Variants in SUGCT observed in about 807,000 individuals in gnomAD.
SUGCT encodes succinyl-CoA:glutarate-CoA transferase, also known as succinyl-CoA:glutarate CoA-transferase.
A neutral mutation model predicts 55.0 loss-of-function variants in SUGCT; 41 were observed. The ratio of observed to expected loss-of-function variants is 0.74; its 90% CI spans 0.58 to 0.97. SUGCT has a LOEUF of 0.97. Ranked by LOEUF, SUGCT falls within the 50% of genes least tolerant of loss-of-function variation. The pLI, the probability that SUGCT is intolerant of heterozygous loss-of-function variation, is 0.00. For synonymous variants in SUGCT, 187 were observed against 200.4 expected (o/e 0.93, Z 0.56); for missense variants, 568 against 547.8 (o/e 1.04, Z -0.37).
Position 40,176,590 on chromosome 7 carries a change from CT to C in SUGCT, c.101-4349del, listed in dbSNP as rs913759973. 4.4e-3 allele frequency among the ~76,000 whole-genome samples: 659 copies of C among 151,474 alleles called. 4 individuals are homozygous for C. The highest frequency in any genetic ancestry group is 0.014 in the African/African-American group (576 of 41,310). On this transcript the variant is annotated intron_variant, in intron 1 of 13. Coordinates refer to ENST00000335693, the MANE Select transcript of SUGCT (RefSeq NM_001193313.2). ...GATAACAAATTTCAATTCTTTTTGC[CT>C]TTTTTTTCTGCCAAATTGCTAAATA...
intron 12 of SUGCT, among the ~76,000 whole-genome samples, chr7:40,551,867 T>G (rs1353835196): frequency 6.6e-6 from 1 of 152,004 alleles, no homozygotes; most frequent in Admixed American, 6.6e-5. Flanking sequence ...ACAGTCAGAG[T>G]GAAATCAAGG....
chr7:40,243,970 C>T (rs145168879), intron 7 of SUGCT, among the ~76,000 whole-genome samples: 19 of 152,084 alleles, frequency 1.2e-4, no homozygotes, highest in Non-Finnish European at 1.8e-4. Flanking sequence ...GTTAGGAGTT[C>T]GAGACCAGCC....
intron 12 of SUGCT, among the ~76,000 whole-genome samples, chr7:40,676,468 C>A (rs982285970): frequency 2.0e-5 from 3 of 150,914 alleles, no homozygotes; most frequent in African/African-American, 7.3e-5. Flanking sequence ...AGCAGAGACA[C>A]ACCAAGGAGA....
In SUGCT at chr7:40,399,557, C is replaced by A. The variant is rs114931968; in HGVS notation, c.817-49730C>A. 5.0e-3 allele frequency among the ~76,000 whole-genome samples: 757 copies of A among 152,194 alleles called. 8 individuals are homozygous for A. Among genetic ancestry groups the A allele is most frequent in the African/African-American group, 0.017 (717 of 41,516 alleles). ...CAGGAGATTGAGAGTTTCCTCACCA[C>A]AATAAAAGATACAACAGGAAAGAGA... On this transcript the variant is annotated intron_variant, in intron 9 of 13. Transcript: ENST00000335693.
At chr7:40,906,883 A>G in the SUGCT span, among the ~76,000 whole-genome samples, 4 of 152,186 alleles carry the variant, frequency 2.6e-5, no homozygotes, top group Non-Finnish European at 5.9e-5. Flanking sequence ...AGAACGCTCT[A>G]TAACTTAGAG....
chr7:40,683,790 A>C (rs1037681691), intron 12 of SUGCT, among the ~76,000 whole-genome samples: 1 of 152,234 alleles, frequency 6.6e-6, no homozygotes, highest in Non-Finnish European at 1.5e-5. Context: ...GGGATTTGGC[A>C]GTCTATATTA....
the SUGCT span, among the ~76,000 whole-genome samples, chr7:41,026,148 G>A: frequency 6.6e-6 from 1 of 152,260 alleles, no homozygotes. Flanking sequence ...CAGCTTCATG[G>A]GCCTGCGACC....
chr7:40,435,633 C>T (rs1174029795), intron 9 of SUGCT, among the ~76,000 whole-genome samples: 4 of 152,152 alleles, frequency 2.6e-5, no homozygotes, highest in African/African-American at 9.6e-5. Context: ...AGAGCTCACT[C>T]TCCATGCTTG....
intron 7 of SUGCT, among the ~76,000 whole-genome samples, chr7:40,269,766 A>C (rs1424283257): frequency 1.3e-5 from 2 of 152,290 alleles, no homozygotes; most frequent in East Asian, 3.9e-4. Flanking sequence ...TTTTCTTTGG[A>C]GAAATGTCTA....
At position 40,416,390 on chromosome 7, in the gene SUGCT, A is replaced by C. The variant is rs1254092641; in HGVS notation, c.817-32897A>C. Among the ~76,000 whole-genome samples, 3 of 151,874 alleles carry C rather than the reference A, an allele frequency of 2.0e-5. No individual in the cohort carries two copies. The East Asian group carries it at 5.8e-4, about 29-fold the overall frequency. On this transcript the variant is annotated intron_variant, in intron 9 of 13. Coordinates refer to ENST00000335693, the MANE Select transcript of SUGCT (RefSeq NM_001193313.2). ...CCAAATTTGAATAATAGTGGTAATA[A>C]AGGGTCATTCTGATTTTAATGATGT...
chr7:40,858,868 T>C (rs988819375), intron 13 of SUGCT, among the ~76,000 whole-genome samples: 1 of 152,222 alleles, frequency 6.6e-6, no homozygotes, highest in Non-Finnish European at 1.5e-5. Context: ...TGTAGTGGAT[T>C]AGATGTGTTA....
At chr7:40,491,872 C>T (rs1422015068) in intron 11 of SUGCT, among the ~76,000 whole-genome samples, 1 of 152,056 alleles carries the variant, frequency 6.6e-6, no homozygotes, top group African/African-American at 2.4e-5. Flanking sequence ...CACCTGTAAT[C>T]CCAGCTATCT....
the SUGCT span, among the ~76,000 whole-genome samples, chr7:40,985,140 C>T: frequency 6.6e-6 from 1 of 152,074 alleles, no homozygotes; most frequent in African/African-American, 2.4e-5. Flanking sequence ...GAACCCTAAC[C>T]CTGGCTTCAG....
rs1210596631 is a variant in SUGCT at position 40,860,369 on chromosome 7, C to A, written c.1207C>A (p.Leu403Met). ...FKMSEARPPP[L>M]LGQHTTHILK... is the part of the protein sequence containing the mutation. ...GATGTCAGAGGCCAGGCCGCCCCCG[C>A]TGCTCGGGCAGCACACAACGCACAT... Residue 403 changes from leucine to methionine, a missense_variant, in exon 14 of 14, where the codon CTG (leucine) becomes ATG (methionine). Coordinates refer to ENST00000335693, the MANE Select transcript of SUGCT (RefSeq NM_001193313.2). The A allele has an allele frequency of 6.2e-7, 1 of 1,613,978 alleles. No individual in the cohort carries two copies. Among genetic ancestry groups the A allele is most frequent in the South Asian group, 1.1e-5 (1 of 91,080 alleles).
chr7:40,801,111 T>C (rs776975455), intron 13 of SUGCT, among the ~76,000 whole-genome samples: 5 of 152,178 alleles, frequency 3.3e-5, no homozygotes, highest in East Asian at 1.9e-4. Context: ...TGAGTACTAA[T>C]AGGTAGAAAG....
At chr7:40,914,533 A>G in the SUGCT span, among the ~76,000 whole-genome samples, 1 of 152,166 alleles carries the variant, frequency 6.6e-6, no homozygotes. Flanking sequence ...CACGGATAAG[A>G]TCTTTACACA....
chr7:40,159,845 G>GTC (rs1252725291), intron 1 of SUGCT, among the ~76,000 whole-genome samples: 1 of 152,194 alleles, frequency 6.6e-6, no homozygotes, highest in Non-Finnish European at 1.5e-5. Flanking sequence ...GTCTGGAATT[G>GTC]TGCTACATGG....
chr7:40,204,848 C>A (rs1786863600), intron 6 of SUGCT, among the ~76,000 whole-genome samples: 1 of 151,846 alleles, frequency 6.6e-6, no homozygotes, highest in Non-Finnish European at 1.5e-5. Flanking sequence ...GTGGGAGGAT[C>A]ATTTGAGCCC....
intron 12 of SUGCT, among the ~76,000 whole-genome samples, chr7:40,566,001 A>ACGCG (rs1041435733): frequency 1.1e-4 from 16 of 142,702 alleles, no homozygotes; most frequent in Admixed American, 1.4e-4. Context: ...ACGCACACAC[A>ACGCG]CACACACACA....
Sources: gnomAD v4.1 joint callset for allele counts (sites outside exome capture counted in the v4.1 genomes callset) on GRCh38, gnomAD v4.1.1 for gene constraint, MANE v1.5 for transcripts, NCBI Gene and HGNC (gene_info 2026-07-23, HGNC 2026-07-21) for gene names.